SV2C: variants seen among roughly 807,000 people sequenced by gnomAD.
The protein encoded by SV2C is synaptic vesicle glycoprotein 2C, also known as solute carrier family 22 member B3.
SV2C carries 49 observed loss-of-function variants against 79.7 expected under a neutral mutation model. That is an observed-to-expected ratio of 0.61 (90% confidence interval 0.49 to 0.78). The LOEUF (loss-of-function observed/expected upper bound fraction) is 0.78, where lower values mean the gene tolerates loss of function less well. Ranked by LOEUF, SV2C falls within the 30% of genes least tolerant of loss-of-function variation. SV2C has a pLI of 0.00. For synonymous variants in SV2C, 334 were observed against 333.2 expected, an observed-to-expected ratio of 1.00 and a Z score of -0.03; for missense variants, 833 against 912.9, an observed-to-expected ratio of 0.91 and a Z score of 1.13.
chr5:75,983,679 C>T, the SV2C span, among the ~76,000 whole-genome samples: 14,914 of 151,550 alleles, frequency 0.098, 2,015 homozygotes, highest in African/African-American at 0.31. Context: ...TGAACAATGG[C>T]GGTTGTAGGA....
chr5:76,321,300 G>GAA (rs11419416), intron 12 of SV2C, among the ~76,000 whole-genome samples: 15 of 149,282 alleles, frequency 1.0e-4, no homozygotes, highest in East Asian at 3.9e-4. Context: ...CTCTTAGGGG[G>GAA]AAAAAAAAAA....
the SV2C span, among the ~76,000 whole-genome samples, chr5:76,035,717 C>A: frequency 7.9e-5 from 12 of 152,208 alleles, no homozygotes; most frequent in South Asian, 6.2e-4. Context: ...AAGAATGTAT[C>A]TTCTGTTGAT....
At chr5:76,339,490 G>A (rs549576055) in intron 12 of SV2C, among the ~76,000 whole-genome samples, 34 of 152,186 alleles carry the variant, frequency 2.2e-4, no homozygotes, top group Non-Finnish European at 4.6e-4. Flanking sequence ...CAAGGCGGGC[G>A]GATCACGAGG....
chr5:75,875,825 A>G, the SV2C span, among the ~76,000 whole-genome samples: 1 of 152,108 alleles, frequency 6.6e-6, no homozygotes, highest in African/African-American at 2.4e-5. Flanking sequence ...TATAAAAAAA[A>G]GCTCAATATC....
chr5:76,122,330 A>T (rs1748537282), intron 1 of SV2C, among the ~76,000 whole-genome samples: 1 of 151,320 alleles, frequency 6.6e-6, no homozygotes, highest in South Asian at 2.1e-4. Context: ...GGACAATTTG[A>T]CTTCCTCTTT....
the SV2C span, among the ~76,000 whole-genome samples, chr5:75,930,242 G>GC: frequency 6.6e-6 from 1 of 151,938 alleles, no homozygotes; most frequent in African/African-American, 2.4e-5. Context: ...ATTGTCAGGT[G>GC]CAGCGTGCAG....
chr5:75,906,331 G>T, the SV2C span, among the ~76,000 whole-genome samples: 7 of 152,138 alleles, frequency 4.6e-5, no homozygotes, highest in Non-Finnish European at 1.0e-4. Context: ...ACCTCCTTTG[G>T]ATGATAGCTA....
At chr5:76,135,736 C>G (rs1749046725) in intron 2 of SV2C, among the ~76,000 whole-genome samples, 1 of 152,216 alleles carries the variant, frequency 6.6e-6, no homozygotes, top group Non-Finnish European at 1.5e-5. Context: ...TCCAGGACAT[C>G]AGGCATTCTC....
At chr5:76,238,919 G>A (rs1440798728) in intron 4 of SV2C, among the ~76,000 whole-genome samples, 2 of 152,150 alleles carry the variant, frequency 1.3e-5, no homozygotes, top group East Asian at 3.8e-4. Context: ...TGAGTGAAGG[G>A]TAGTCCTCTG....
intron 1 of SV2C, among the ~76,000 whole-genome samples, chr5:76,083,717 G>A (rs1413156781): frequency 6.6e-6 from 1 of 152,232 alleles, no homozygotes; most frequent in Non-Finnish European, 1.5e-5. Flanking sequence ...GACCAGGAAA[G>A]TAGGGGTAAA....
intron 2 of SV2C, among the ~76,000 whole-genome samples, chr5:76,158,741 T>G (rs969468274): frequency 4.6e-5 from 7 of 152,014 alleles, no homozygotes; most frequent in African/African-American, 1.7e-4. Flanking sequence ...TAATACCAAT[T>G]CTTTACAAAT....
chr5:76,196,220 A>G (rs1022634499), intron 3 of SV2C, among the ~76,000 whole-genome samples: 1 of 152,206 alleles, frequency 6.6e-6, no homozygotes, highest in Admixed American at 6.5e-5. Context: ...TTCTGCACAC[A>G]ATGAGCACTT....
At chr5:75,847,943 T>C in the SV2C span, among the ~76,000 whole-genome samples, 1 of 152,112 alleles carries the variant, frequency 6.6e-6, no homozygotes, top group Non-Finnish European at 1.5e-5. Context: ...AACAGCAAGA[T>C]GGAGAGAAAA....
At chr5:75,858,035 C>T in the SV2C span, among the ~76,000 whole-genome samples, 1 of 152,098 alleles carries the variant, frequency 6.6e-6, no homozygotes, top group Admixed American at 6.6e-5. Flanking sequence ...AATATAAGAT[C>T]GAATCATCTG....
chr5:75,881,730 A>C, the SV2C span, among the ~76,000 whole-genome samples: 2 of 151,946 alleles, frequency 1.3e-5, no homozygotes, highest in South Asian at 2.1e-4. Flanking sequence ...ATATACAATC[A>C]TGTCATCTGC....
chr5:75,871,896 A>G, the SV2C span, among the ~76,000 whole-genome samples: 3 of 147,294 alleles, frequency 2.0e-5, no homozygotes, highest in African/African-American at 7.4e-5. Context: ...TTATACTTTA[A>G]CTTTTAGGGT....
At chr5:76,251,842 A>G (rs1746126005) in intron 4 of SV2C, among the ~76,000 whole-genome samples, 1 of 152,184 alleles carries the variant, frequency 6.6e-6, no homozygotes, top group Non-Finnish European at 1.5e-5. Context: ...TATGTACATG[A>G]CCACTTAATC....
At chr5:75,932,503 C>G in the SV2C span, among the ~76,000 whole-genome samples, 7 of 152,192 alleles carry the variant, frequency 4.6e-5, no homozygotes, top group African/African-American at 1.7e-4. Context: ...CAGTTTGACC[C>G]ACATATTTAT....
At position 76,346,773 on chromosome 5, in the gene SV2C, T is replaced by C. The variant is rs1749551958; in HGVS notation, c.2001-6357T>C. On this transcript the variant is annotated intron_variant, in intron 12 of 12. Coordinates refer to the SV2C transcript ENST00000322285. ...TGAAAAAGCTGAGGATGAAACCGAC[T>C]CCTCAACCTGCATACAAGGCCCTCA... 2.0e-5 allele frequency among the ~76,000 whole-genome samples: 3 copies of C among 152,312 alleles called. 1 individual carries two copies. In the South Asian group the frequency reaches 6.2e-4, roughly 32 times the overall value.
Sources: allele counts gnomAD v4.1 joint callset (sites outside exome capture counted in the v4.1 genomes callset), GRCh38; gene constraint gnomAD v4.1.1; transcripts MANE v1.5; gene names NCBI Gene and HGNC (gene_info 2026-07-23, HGNC 2026-07-21).